Variants in EPHA5 observed in about 807,000 individuals in gnomAD.
The protein encoded by EPHA5 is ephrin type-A receptor 5.
In EPHA5, 60 loss-of-function variants were observed where a neutral mutation model predicts 105.0. That is an observed-to-expected ratio of 0.57 (90% confidence interval 0.46 to 0.71). The LOEUF (loss-of-function observed/expected upper bound fraction) is 0.71. EPHA5 is among the 30% of genes least tolerant of loss of function. The pLI, the probability that EPHA5 is intolerant of heterozygous loss-of-function variation, is 0.00. For synonymous variants in EPHA5, 513 were observed against 449.1 expected (o/e 1.14, Z -1.80); for missense variants, 1,218 against 1,274.7 (o/e 0.96, Z 0.68).
intron 3 of EPHA5, among the ~76,000 whole-genome samples, chr4:65,522,766 G>T (rs1734878224): frequency 6.6e-6 from 1 of 151,972 alleles, no homozygotes; most frequent in Non-Finnish European, 1.5e-5. Flanking sequence ...GCATTCATTT[G>T]TGATCTGTCC....
chr4:65,538,512 AG>A (rs1304635454), intron 3 of EPHA5, among the ~76,000 whole-genome samples: 1 of 151,804 alleles, frequency 6.6e-6, no homozygotes, highest in Non-Finnish European at 1.5e-5. Flanking sequence ...ATCATCTAGA[AG>A]TCACCCCGTA....
chr4:65,565,152 T>C (rs1414330649), intron 3 of EPHA5, among the ~76,000 whole-genome samples: 2 of 151,694 alleles, frequency 1.3e-5, no homozygotes, highest in Non-Finnish European at 3.0e-5. Context: ...CTTTAAAGAC[T>C]AAGACTATTC....
chr4:65,507,889 A>G (rs902576232), intron 3 of EPHA5, among the ~76,000 whole-genome samples: 1 of 152,074 alleles, frequency 6.6e-6, no homozygotes, highest in Non-Finnish European at 1.5e-5. Flanking sequence ...ATAATACAAC[A>G]TATATTATTT....
At position 65,670,428 on chromosome 4, in the gene EPHA5, C is replaced by T. The variant is rs906254140; in HGVS notation, c.-686G>A. ...CGGTTCCCGCTGCTCGGGGAGCAGG[C>T]GGTGTGTGCGCGGCTGCGAAGTCGA... is the stretch of plus-strand genomic sequence containing the variant. On this transcript the variant is annotated 5_prime_UTR_variant, in exon 1 of 17. Coordinates refer to ENST00000613740, the MANE Select transcript of EPHA5 (RefSeq NM_001281766.3). The T allele has an allele frequency of 3.9e-5, 9 of 233,302 alleles. No homozygotes were observed. The highest frequency in any genetic ancestry group is 1.1e-4 in the Admixed American group (2 of 17,786). The allele number at this position is 233,302 out of a possible 1,614,324, so 14.5% of individuals were successfully genotyped here. A position where few individuals can be genotyped will look rare whatever the true frequency, so the allele number is the denominator to read the frequency against.
At chr4:65,347,289 T>C (rs1405534356) in intron 14 of EPHA5, among the ~76,000 whole-genome samples, 1 of 152,208 alleles carries the variant, frequency 6.6e-6, no homozygotes, top group Non-Finnish European at 1.5e-5. Flanking sequence ...AGTGTATGTC[T>C]CATGATAAGG....
At chr4:65,359,630 A>T (rs1002078128) in intron 11 of EPHA5, among the ~76,000 whole-genome samples, 1 of 151,476 alleles carries the variant, frequency 6.6e-6, no homozygotes, top group African/African-American at 2.4e-5. Flanking sequence ...TTCACATCCA[A>T]TTCACAAGAA....
chr4:65,403,560 T>C (rs1469494648), intron 8 of EPHA5, among the ~76,000 whole-genome samples: 2 of 151,392 alleles, frequency 1.3e-5, no homozygotes, highest in Non-Finnish European at 2.9e-5. Context: ...ATGTTTATTG[T>C]AGGAAAACAG....
chr4:65,337,195 C>A (rs1265503926), intron 14 of EPHA5, among the ~76,000 whole-genome samples: 1 of 151,940 alleles, frequency 6.6e-6, no homozygotes, highest in African/African-American at 2.4e-5. Flanking sequence ...ATACCCATTA[C>A]CTCAAACATT....
chr4:65,626,049 C>G (rs866686688), intron 2 of EPHA5, among the ~76,000 whole-genome samples: 6 of 148,620 alleles, frequency 4.0e-5, no homozygotes, highest in African/African-American at 7.4e-5. Flanking sequence ...TGCAGTGAGC[C>G]GAGATCGCGC....
At chr4:65,526,583 G>A (rs2149291786) in intron 3 of EPHA5, among the ~76,000 whole-genome samples, 1 of 151,950 alleles carries the variant, frequency 6.6e-6, no homozygotes, top group South Asian at 2.1e-4. Context: ...ATAAGTTAAT[G>A]GCCAAGCAAT....
chr4:65,340,723 T>C (rs1721631267), intron 14 of EPHA5, among the ~76,000 whole-genome samples: 1 of 152,160 alleles, frequency 6.6e-6, no homozygotes, highest in African/African-American at 2.4e-5. Flanking sequence ...ACAGATGTTT[T>C]CTGAACCTAT....
chr4:65,422,868 C>G (rs772447679), intron 5 of EPHA5, among the ~76,000 whole-genome samples: 1 of 151,878 alleles, frequency 6.6e-6, no homozygotes, highest in Non-Finnish European at 1.5e-5. Context: ...CATCTAGTGT[C>G]GCCTATTAGA....
intron 5 of EPHA5, among the ~76,000 whole-genome samples, chr4:65,425,547 A>G (rs915241503): frequency 1.3e-5 from 2 of 152,124 alleles, no homozygotes; most frequent in South Asian, 4.1e-4. Context: ...TCATTTTGTC[A>G]GTAAAATTCA....
intron 3 of EPHA5, among the ~76,000 whole-genome samples, chr4:65,540,601 A>G (rs1272783712): frequency 1.3e-5 from 2 of 151,612 alleles, no homozygotes; most frequent in East Asian, 1.9e-4. Flanking sequence ...GATTCTCACA[A>G]ACATGAATTT....
At chr4:65,398,549 G>C (rs1454155969) in intron 8 of EPHA5, among the ~76,000 whole-genome samples, 1 of 152,138 alleles carries the variant, frequency 6.6e-6, no homozygotes, top group Non-Finnish European at 1.5e-5. Flanking sequence ...TTTCACTTCT[G>C]TGATCCAGAG....
intron 14 of EPHA5, among the ~76,000 whole-genome samples, chr4:65,341,026 TCA>T (rs1721661888): frequency 6.6e-6 from 1 of 152,128 alleles, no homozygotes; most frequent in African/African-American, 2.4e-5. Flanking sequence ...CATACCTGTG[TCA>T]CAGTCTGACA....
At chr4:65,566,287 C>T (rs892378325) in intron 3 of EPHA5, among the ~76,000 whole-genome samples, 2 of 151,668 alleles carry the variant, frequency 1.3e-5, no homozygotes, top group Non-Finnish European at 3.0e-5. Flanking sequence ...GTAGCAAACA[C>T]ACAATTCTCT....
intron 5 of EPHA5, among the ~76,000 whole-genome samples, chr4:65,428,581 A>G (rs1357872546): frequency 6.6e-6 from 1 of 152,092 alleles, no homozygotes; most frequent in East Asian, 1.9e-4. Flanking sequence ...CGACCATTTT[A>G]CCAAAACCTG....
At chr4:65,573,812 T>C in intron 3 of EPHA5, 1 of 1,613,714 alleles carries the variant, frequency 6.2e-7, no homozygotes, top group South Asian at 1.1e-5. Flanking sequence ...ATTATCCTAC[T>C]GAAGATGTGC....
Sources: gnomAD v4.1 joint callset for allele counts (sites outside exome capture counted in the v4.1 genomes callset) on GRCh38, gnomAD v4.1.1 for gene constraint, MANE v1.5 for transcripts, NCBI Gene and HGNC (gene_info 2026-07-23, HGNC 2026-07-21) for gene names.